Variants in INPP4B observed in about 807,000 individuals in gnomAD.
INPP4B encodes the protein inositol polyphosphate 4-phosphatase type II.
A neutral mutation model predicts 122.5 loss-of-function variants in INPP4B; 55 were observed. That is an observed-to-expected ratio of 0.45 (90% confidence interval 0.36 to 0.56). The LOEUF (loss-of-function observed/expected upper bound fraction) is 0.56, where lower values mean the gene tolerates loss of function less well. Among genes scored for constraint, INPP4B ranks in the 20% least tolerant of loss-of-function variants. INPP4B has a pLI of 0.00. For synonymous variants in INPP4B, 403 were observed against 388.7 expected (o/e 1.04, Z -0.43); for missense variants, 1,000 against 1,097.7 (o/e 0.91, Z 1.26).
chr4:142,530,258 A>G (rs1827436457), intron 2 of INPP4B, among the ~76,000 whole-genome samples: 1 of 152,118 alleles, frequency 6.6e-6, no homozygotes, highest in Non-Finnish European at 1.5e-5. Context: ...TCAGTGTGTC[A>G]GCATGGCTTT....
At chr4:142,311,588 G>A (rs1765533102) in intron 8 of INPP4B, among the ~76,000 whole-genome samples, 2 of 152,114 alleles carry the variant, frequency 1.3e-5, no homozygotes, top group South Asian at 4.1e-4. Flanking sequence ...TTGCTCTCAT[G>A]GAGTACATCT....
intron 1 of INPP4B, among the ~76,000 whole-genome samples, chr4:142,770,269 C>A (rs1262396014): frequency 6.6e-6 from 1 of 152,066 alleles, no homozygotes; most frequent in Non-Finnish European, 1.5e-5. Flanking sequence ...AGCCATCAAC[C>A]TTGGTCCAAT....
At chr4:142,304,172 G>C (rs2151170562) in intron 9 of INPP4B, among the ~76,000 whole-genome samples, 1 of 152,094 alleles carries the variant, frequency 6.6e-6, no homozygotes, top group East Asian at 1.9e-4. Context: ...GGGGCATATG[G>C]GTCACATTCA....
intron 2 of INPP4B, among the ~76,000 whole-genome samples, chr4:142,495,222 GGATT>G (rs1464171592): frequency 6.7e-6 from 1 of 150,032 alleles, no homozygotes. Context: ...CATTTCCTTG[GGATT>G]GATTCCCAGA....
intron 3 of INPP4B, among the ~76,000 whole-genome samples, chr4:142,458,141 T>C (rs750307702): frequency 5.5e-4 from 84 of 152,172 alleles, no homozygotes; most frequent in Middle Eastern, 3.4e-3. Context: ...AAGAGACAAA[T>C]GGGTGAACGT....
In INPP4B at chr4:142,347,265, C is replaced by T. The variant is rs898217782; in HGVS notation, c.373-32503G>A. Reference sequence around the variant, plus strand: ...ACATCTATTGAATATTTACTATGTTCCCTCCACCCAGACCCAAAATTCTTC... The same window carrying T: ...ACATCTATTGAATATTTACTATGTTTCCTCCACCCAGACCCAAAATTCTTC... On this transcript the variant is annotated intron_variant, in intron 7 of 25. Coordinates refer to ENST00000262992, the MANE Select transcript of INPP4B (RefSeq NM_001101669.3). 6 of 163,142 alleles carry T rather than the reference C, an allele frequency of 3.7e-5. No homozygotes were observed. In the South Asian group the frequency reaches 4.7e-4, roughly 13 times the overall value. 10.1% of individuals were successfully genotyped at this position (163,142 alleles called of 1,614,324 possible). A position where few individuals can be genotyped will look rare whatever the true frequency, so the allele number is the denominator to read the frequency against.
At chr4:142,333,163 C>A (rs1411918178) in intron 7 of INPP4B, among the ~76,000 whole-genome samples, 8 of 152,154 alleles carry the variant, frequency 5.3e-5, no homozygotes, top group African/African-American at 1.4e-4. Context: ...TGAGTCTTGT[C>A]TGGTTTAATT....
chr4:142,809,233 A>G (rs1001925430), intron 1 of INPP4B, among the ~76,000 whole-genome samples: 4 of 152,122 alleles, frequency 2.6e-5, no homozygotes, highest in African/African-American at 9.6e-5. Flanking sequence ...CTTATTTTTT[A>G]TTTCTGTGGG....
At chr4:142,295,553 G>A (rs1399170561) in intron 9 of INPP4B, among the ~76,000 whole-genome samples, 1 of 152,156 alleles carries the variant, frequency 6.6e-6, no homozygotes, top group African/African-American at 2.4e-5. Context: ...TGAATAACAT[G>A]ACTATGTTTC....
chr4:142,112,906 C>T (rs1053227897), intron 21 of INPP4B, among the ~76,000 whole-genome samples: 11 of 152,046 alleles, frequency 7.2e-5, no homozygotes, highest in African/African-American at 2.4e-4. Flanking sequence ...ACTCTGAATT[C>T]CTTCAGGAAA....
chr4:142,396,742 A>T (rs1799497833), intron 7 of INPP4B, among the ~76,000 whole-genome samples: 1 of 152,202 alleles, frequency 6.6e-6, no homozygotes, highest in South Asian at 2.1e-4. Flanking sequence ...ACAAATTGTG[A>T]TATATCACTA....
intron 7 of INPP4B, among the ~76,000 whole-genome samples, chr4:142,351,645 C>T (rs1311385245): frequency 6.6e-6 from 1 of 151,878 alleles, no homozygotes; most frequent in Admixed American, 6.6e-5. Flanking sequence ...GAATAAAATT[C>T]TTCTCCTAAA....
At chr4:142,123,966 C>T (rs1028763091) in intron 19 of INPP4B, among the ~76,000 whole-genome samples, 1 of 151,936 alleles carries the variant, frequency 6.6e-6, no homozygotes, top group Non-Finnish European at 1.5e-5. Flanking sequence ...TCCATATGTC[C>T]TGTCTATAAA....
At chr4:142,233,978 TA>T (rs976209701) in intron 12 of INPP4B, among the ~76,000 whole-genome samples, 4 of 152,140 alleles carry the variant, frequency 2.6e-5, no homozygotes, top group African/African-American at 9.7e-5. Flanking sequence ...AACCTAACCC[TA>T]TATAATAATG....
intron 12 of INPP4B, among the ~76,000 whole-genome samples, chr4:142,214,295 C>T (rs1224413188): frequency 6.6e-6 from 1 of 152,108 alleles, no homozygotes; most frequent in Non-Finnish European, 1.5e-5. Context: ...ATTTGCTTTT[C>T]CTAAAGATTC....
At chr4:142,796,705 A>G (rs1181158130) in intron 1 of INPP4B, among the ~76,000 whole-genome samples, 1 of 152,018 alleles carries the variant, frequency 6.6e-6, no homozygotes, top group Non-Finnish European at 1.5e-5. Flanking sequence ...ACTATTGATA[A>G]TGAAGTTGGC....
intron 24 of INPP4B, among the ~76,000 whole-genome samples, chr4:142,084,597 A>G (rs867614756): frequency 2.6e-5 from 4 of 152,320 alleles, no homozygotes; most frequent in African/African-American, 9.6e-5. Flanking sequence ...TGATTTACAA[A>G]TAGAATATTG....
intron 5 of INPP4B, among the ~76,000 whole-genome samples, chr4:142,411,550 G>A (rs1439095753): frequency 1.3e-5 from 2 of 152,052 alleles, no homozygotes; most frequent in African/African-American, 4.8e-5. Context: ...GAGCAAAAAG[G>A]GCCAGAGTAC....
intron 11 of INPP4B, among the ~76,000 whole-genome samples, chr4:142,249,131 T>G (rs1321706873): frequency 6.6e-6 from 1 of 152,094 alleles, no homozygotes; most frequent in Non-Finnish European, 1.5e-5. Flanking sequence ...TTATGACTAA[T>G]AGCAGCACAG....
Sources: gnomAD v4.1 joint callset for allele counts (sites outside exome capture counted in the v4.1 genomes callset) on GRCh38, gnomAD v4.1.1 for gene constraint, MANE v1.5 for transcripts, NCBI Gene and HGNC (gene_info 2026-07-23, HGNC 2026-07-21) for gene names.